TMEM132D: variants seen among roughly 807,000 people sequenced by gnomAD.
The protein encoded by TMEM132D is transmembrane protein 132D, also known as mature OL transmembrane protein.
In TMEM132D, 21 loss-of-function variants were observed where a neutral mutation model predicts 62.3. The observed-to-expected ratio is 0.34, with a 90% CI of 0.24 to 0.49. The LOEUF is 0.49. TMEM132D is among the 20% of genes least tolerant of loss of function. The pLI is 0.99. For missense variants in TMEM132D, 1,346 were observed against 1,402.8 expected (o/e 0.96, Z 0.65); for synonymous variants, 621 against 575.6 (o/e 1.08, Z -1.13).
intron 5 of TMEM132D, among the ~76,000 whole-genome samples, chr12:129,090,986 G>C (rs1390023498): frequency 6.6e-6 from 1 of 152,222 alleles, no homozygotes; most frequent in Non-Finnish European, 1.5e-5. Context: ...GGAGAAAACA[G>C]AAGGGGAGGG....
chr12:129,651,976 T>C lies in TMEM132D; in HGVS notation c.968+47834A>G, dbSNP rs531137863. On this transcript the variant is annotated intron_variant, in intron 2 of 8. Transcript: ENST00000422113. ...ACCTACTTAGAAGACGCCTAGAAGG[T>C]AACCTTTAGTCCCAGGCAAAAATGA... Among the ~76,000 whole-genome samples, 43 of 152,326 alleles carry C rather than the reference T, an allele frequency of 2.8e-4. 2 individuals are homozygous for C. The South Asian group carries it at 8.1e-3, about 29-fold the overall frequency.
chr12:129,291,586 AT>A (rs1881447606), intron 4 of TMEM132D, among the ~76,000 whole-genome samples: 1 of 152,182 alleles, frequency 6.6e-6, no homozygotes, highest in East Asian at 1.9e-4. Context: ...GCTACGGAAA[AT>A]GTCTGTAAAA....
intron 3 of TMEM132D, among the ~76,000 whole-genome samples, chr12:129,530,406 C>A (rs1459243790): frequency 6.6e-6 from 1 of 152,134 alleles, no homozygotes; most frequent in Admixed American, 6.5e-5. Flanking sequence ...ACCCCCAGAG[C>A]CACAAATGAG....
intron 3 of TMEM132D, among the ~76,000 whole-genome samples, chr12:129,497,239 C>T (rs1334043525): frequency 7.2e-5 from 11 of 152,164 alleles, no homozygotes; most frequent in East Asian, 5.8e-4. Flanking sequence ...ACCTGGGAGG[C>T]GGAGGTTGTA....
chr12:129,377,654 G>A (rs1870822450), intron 3 of TMEM132D, among the ~76,000 whole-genome samples: 1 of 152,164 alleles, frequency 6.6e-6, no homozygotes, highest in Non-Finnish European at 1.5e-5. Context: ...GAGGAACTGT[G>A]TATCTCTCCA....
chr12:129,144,242 G>A (rs1876827166), intron 5 of TMEM132D, among the ~76,000 whole-genome samples: 1 of 152,128 alleles, frequency 6.6e-6, no homozygotes, highest in African/African-American at 2.4e-5. Context: ...GGAATTATGT[G>A]CTTGTCACTC....
Position 129,173,727 on chromosome 12 carries a change from A to C in TMEM132D, c.1443+35793T>G, listed in dbSNP as rs570395272. ...CATAGGCTGTCACTTAGCATTTATG[A>C]ACTGAGAGGTAATGCATGTGATAAC... On this transcript the variant is annotated intron_variant, in intron 5 of 8. Transcript: ENST00000422113. 3.9e-5 allele frequency among the ~76,000 whole-genome samples: 6 copies of C among 152,296 alleles called. No homozygotes were observed. The South Asian group carries it at 1.0e-3, about 26-fold the overall frequency.
intron 4 of TMEM132D, among the ~76,000 whole-genome samples, chr12:129,253,103 A>G (rs1350109699): frequency 6.6e-6 from 1 of 151,500 alleles, no homozygotes; most frequent in East Asian, 1.9e-4. Context: ...ATGACGAGTT[A>G]ATGGGTGCAG....
intron 3 of TMEM132D, among the ~76,000 whole-genome samples, chr12:129,474,076 G>T (rs1874185540): frequency 2.6e-5 from 4 of 152,108 alleles, no homozygotes; most frequent in Admixed American, 2.0e-4. Context: ...GCTCCTTTCT[G>T]TAACCCTTCG....
At chr12:129,796,257 G>C (rs1214292347) in intron 1 of TMEM132D, among the ~76,000 whole-genome samples, 1 of 152,040 alleles carries the variant, frequency 6.6e-6, no homozygotes, top group Admixed American at 6.6e-5. Context: ...TTTTTGGGGG[G>C]ATGATGAATG....
intron 3 of TMEM132D, among the ~76,000 whole-genome samples, chr12:129,478,794 A>C (rs1874345806): frequency 6.6e-6 from 1 of 152,116 alleles, no homozygotes; most frequent in Non-Finnish European, 1.5e-5. Flanking sequence ...CTGACACCTA[A>C]TTTTAGAATC....
At chr12:129,167,178 AAAAC>A (rs1161480965) in intron 5 of TMEM132D, among the ~76,000 whole-genome samples, 17 of 146,984 alleles carry the variant, frequency 1.2e-4, no homozygotes, top group African/African-American at 3.3e-4. Flanking sequence ...AAACAAAAAA[AAAAC>A]CAGTGCCAAC....
chr12:129,115,300 C>T (rs541950414), intron 5 of TMEM132D, among the ~76,000 whole-genome samples: 103 of 152,324 alleles, frequency 6.8e-4, no homozygotes, highest in African/African-American at 2.3e-3. Context: ...TCAGCCAACA[C>T]GATTATCCTC....
chr12:129,223,356 C>T (rs1387998563), intron 4 of TMEM132D, among the ~76,000 whole-genome samples: 1 of 152,144 alleles, frequency 6.6e-6, no homozygotes, highest in Non-Finnish European at 1.5e-5. Flanking sequence ...AACTCAGTCA[C>T]CATGCTGTGA....
At chr12:129,727,999 CT>C (rs1296363567) in intron 1 of TMEM132D, among the ~76,000 whole-genome samples, 1 of 152,174 alleles carries the variant, frequency 6.6e-6, no homozygotes, top group Admixed American at 6.5e-5. Flanking sequence ...CTGTATCCAG[CT>C]TTTCTCTACC....
intron 4 of TMEM132D, among the ~76,000 whole-genome samples, chr12:129,225,712 G>A (rs1056613309): frequency 6.6e-6 from 1 of 152,150 alleles, no homozygotes; most frequent in African/African-American, 2.4e-5. Flanking sequence ...CATATGCAAT[G>A]ACTTACATGG....
Position 129,840,026 on chromosome 12 carries a change from C to A in TMEM132D, c.79+63235G>T, listed in dbSNP as rs1263066790. The A allele has an allele frequency of 4.6e-5, 7 of 152,148 alleles. No individual in the cohort carries two copies. In the East Asian group the frequency reaches 9.6e-4, roughly 21 times the overall value. The allele number at this position is 152,148 out of a possible 1,614,324, so 9.4% of individuals were successfully genotyped here. On this transcript the variant is annotated intron_variant, in intron 1 of 8. Coordinates refer to ENST00000422113, the MANE Select transcript of TMEM132D (RefSeq NM_133448.3). ...GATCAGTAAAAACTATTTTAATACA[C>A]CCCCTAAATATGTGTATTATTACAC...
intron 4 of TMEM132D, among the ~76,000 whole-genome samples, chr12:129,269,347 G>T (rs1165742564): frequency 1.3e-5 from 2 of 151,890 alleles, no homozygotes; most frequent in Admixed American, 6.6e-5. Context: ...TACTTTTTCT[G>T]ATACTTTTCC....
At chr12:129,407,596 A>C (rs993451332) in intron 3 of TMEM132D, among the ~76,000 whole-genome samples, 1 of 152,066 alleles carries the variant, frequency 6.6e-6, no homozygotes, top group Non-Finnish European at 1.5e-5. Context: ...CATTTTTCTT[A>C]ATCTTTAAGT....
Sources: gnomAD v4.1 joint callset for allele counts (sites outside exome capture counted in the v4.1 genomes callset) on GRCh38, gnomAD v4.1.1 for gene constraint, MANE v1.5 for transcripts, NCBI Gene and HGNC (gene_info 2026-07-23, HGNC 2026-07-21) for gene names.